The following TLL1 variants were observed in gnomAD, a reference collection of about 807,000 sequenced individuals.
TLL1 encodes tolloid-like protein 1.
Under a neutral mutation model 128.2 loss-of-function variants are expected in TLL1, and 49 were observed. That is an observed-to-expected ratio of 0.38 (90% confidence interval 0.30 to 0.48). TLL1 has a LOEUF of 0.48. Ranked by LOEUF, TLL1 falls within the 20% of genes least tolerant of loss-of-function variation. The pLI, the probability that TLL1 is intolerant of heterozygous loss-of-function variation, is 0.96. For synonymous variants in TLL1, 454 were observed against 418.8 expected, an observed-to-expected ratio of 1.08 and a Z score of -1.03; for missense variants, 1,123 against 1,242.0, an observed-to-expected ratio of 0.90 and a Z score of 1.44.
Position 166,060,181 on chromosome 4 carries a change from G to A in TLL1, c.2000G>A (p.Gly667Asp). The A allele has an allele frequency of 6.2e-7, 1 of 1,613,236 alleles. No individual in the cohort carries two copies. Among genetic ancestry groups the A allele is most frequent in the South Asian group, 1.1e-5 (1 of 91,062 alleles). The change falls in exon 15 of 21, where the codon GGC becomes GAC. Residue 667 changes from glycine (G) to aspartate (D), a missense_variant. Gly to Asp is a moderately conservative substitution (Grantham distance 94, BLOSUM62 -1). Around this residue, in one of 3 missense-constraint regions of TLL1, gnomAD observed 634 missense variants for 672.4 expected, o/e 0.94. Transcript: ENST00000061240. ...AAGTTTGAGTTTTTTGAATTGGAAG[G>A]CAATGAAGTAAGTGAACAATAACTG... ...SVKFEFFELE[G>D]NEVCKYDYVE... is the part of the protein sequence containing the mutation.
At chr4:166,071,082 C>G (rs1409183730) in intron 16 of TLL1, among the ~76,000 whole-genome samples, 1 of 151,886 alleles carries the variant, frequency 6.6e-6, no homozygotes, top group African/African-American at 2.4e-5. Flanking sequence ...GTGTGCTGTG[C>G]ATGTGTCCAT....
chr4:165,994,134 T>A (rs1168570837), intron 3 of TLL1, among the ~76,000 whole-genome samples: 1 of 152,270 alleles, frequency 6.6e-6, no homozygotes, highest in South Asian at 2.1e-4. Flanking sequence ...TAGGCTGTTG[T>A]ATGGATATCC....
At chr4:165,967,075 T>A (rs1735420410) in intron 1 of TLL1, among the ~76,000 whole-genome samples, 1 of 152,176 alleles carries the variant, frequency 6.6e-6, no homozygotes, top group African/African-American at 2.4e-5. Context: ...AATGCATTCT[T>A]TTTCTCAGGG....
At position 166,100,887 on chromosome 4, in the gene TLL1, T is replaced by A; in HGVS notation, c.*11T>A. 6.2e-7 allele frequency: 1 copy of A among 1,611,998 alleles called. No individual in the cohort carries two copies. On this transcript the variant is annotated 3_prime_UTR_variant, in exon 21 of 21. Coordinates refer to ENST00000061240, the MANE Select transcript of TLL1 (RefSeq NM_012464.5). ...CATACCAAAAAATAACACCAAAACCTCTGTCAGAACACAAAGGAATGTGCA... is the reference window on the plus strand; with the variant it reads ...CATACCAAAAAATAACACCAAAACCACTGTCAGAACACAAAGGAATGTGCA...
At chr4:166,067,488 A>C (rs1316140150) in intron 16 of TLL1, among the ~76,000 whole-genome samples, 1 of 151,720 alleles carries the variant, frequency 6.6e-6, no homozygotes, top group Non-Finnish European at 1.5e-5. Flanking sequence ...TCTCCACCAC[A>C]TGAGCATATA....
At chr4:165,984,304 G>A (rs1390162707) in intron 1 of TLL1, among the ~76,000 whole-genome samples, 3 of 151,750 alleles carry the variant, frequency 2.0e-5, no homozygotes, top group African/African-American at 7.3e-5. Context: ...TGTCATGTTG[G>A]GGGAGATTTA....
chr4:165,973,554 G>A (rs1579566784), intron 1 of TLL1, among the ~76,000 whole-genome samples: 1 of 151,902 alleles, frequency 6.6e-6, no homozygotes, highest in Admixed American at 6.5e-5. Context: ...CCTTTTATTG[G>A]TTTAGTGGCT....
intron 1 of TLL1, among the ~76,000 whole-genome samples, chr4:165,947,697 C>T (rs922219393): frequency 2.0e-5 from 3 of 152,080 alleles, no homozygotes; most frequent in Non-Finnish European, 2.9e-5. Context: ...ACTTACAGAA[C>T]CCCCTCATTC....
At chr4:165,909,519 GT>G (rs1337478664) in intron 1 of TLL1, among the ~76,000 whole-genome samples, 3 of 152,176 alleles carry the variant, frequency 2.0e-5, no homozygotes, top group Non-Finnish European at 4.4e-5. Flanking sequence ...ACATTTCAGC[GT>G]TTTGAGTTCT....
intron 14 of TLL1, among the ~76,000 whole-genome samples, chr4:166,058,153 ATC>A (rs2111115013): frequency 6.6e-6 from 1 of 151,736 alleles, no homozygotes; most frequent in African/African-American, 2.4e-5. Flanking sequence ...TCATTCATCC[ATC>A]TCTCATACCA....
intron 12 of TLL1, chr4:166,044,352 T>C (rs764163270): frequency 7.8e-6 from 12 of 1,535,464 alleles, no homozygotes; most frequent in Non-Finnish European, 9.6e-6. Flanking sequence ...TGGTTGTGTG[T>C]CTGTACCTGC....
At chr4:166,042,199 C>T (rs1049784072) in intron 11 of TLL1, 56 bp downstream of exon 11, 42 of 1,169,162 alleles carry the variant, frequency 3.6e-5, no homozygotes, top group Middle Eastern at 2.0e-4. Context: ...CAGAAATGTT[C>T]GTTTCTTAAT....
At chr4:165,977,942 AT>A (rs1485968005) in intron 1 of TLL1, among the ~76,000 whole-genome samples, 2 of 152,098 alleles carry the variant, frequency 1.3e-5, no homozygotes, top group African/African-American at 4.8e-5. Context: ...GCATCCTCTA[AT>A]TGTATTTTTA....
chr4:166,001,871 T>C (rs537043712), intron 5 of TLL1, among the ~76,000 whole-genome samples: 5 of 152,060 alleles, frequency 3.3e-5, no homozygotes, highest in Non-Finnish European at 7.4e-5. Context: ...AGAAAGACAT[T>C]CCTGCATGTT....
intron 1 of TLL1, among the ~76,000 whole-genome samples, chr4:165,889,651 T>A (rs73860874): frequency 0.012 from 1,802 of 152,340 alleles, 33 homozygotes; most frequent in African/African-American, 0.04. Context: ...AGGATTATGC[T>A]TTTCTTTGTC....
chr4:166,091,260 G>C lies in TLL1; in HGVS notation c.2575G>C (p.Ala859Pro). 6.2e-7 allele frequency: 1 copy of C among 1,613,138 alleles called. No individual in the cohort carries two copies. The highest frequency in any genetic ancestry group is 8.5e-7 in the Non-Finnish European group (1 of 1,179,458). Reference protein sequence around the residue: ...CGNKIPDPLVATGNKMFVRFV... With the variant: ...CGNKIPDPLVPTGNKMFVRFV... Reference sequence around the variant, plus strand: ...CAACAAGATACCAGATCCCCTTGTGGCTACTGGAAATAAAATGTTTGTTCG... The same window carrying C: ...CAACAAGATACCAGATCCCCTTGTGCCTACTGGAAATAAAATGTTTGTTCG... The change falls in exon 19 of 21, where the codon GCT becomes CCT. Residue 859 changes from alanine to proline, a missense_variant. Ala to Pro is a conservative substitution (Grantham distance 27). This residue lies in a region of TLL1 where 634 missense variants were observed against 672.4 expected (regional missense o/e 0.94). Transcript: ENST00000061240.
At chr4:165,950,079 A>C (rs1488863012) in intron 1 of TLL1, among the ~76,000 whole-genome samples, 3 of 152,130 alleles carry the variant, frequency 2.0e-5, no homozygotes, top group African/African-American at 7.2e-5. Context: ...GGATGGAAAA[A>C]ATATACCACA....
In TLL1 at chr4:166,100,769, G is replaced by A. The variant is rs1305650777; in HGVS notation, c.2935G>A (p.Asp979Asn). The change falls in exon 21 of 21, where the codon GAT (aspartate) becomes AAT (asparagine). Residue 979 changes from aspartate to asparagine, a missense_variant. Asp to Asn is a conservative substitution (Grantham distance 23). Transcript: ENST00000061240. ...GPPEEIYSIG[D>N]SVLIHFHTDD... is the part of the protein sequence containing the mutation. Reference sequence around the variant, plus strand: ...ACCAGAAGAGATTTATTCAATTGGAGATTCAGTTTTAATTCATTTCCACAC... The same window carrying A: ...ACCAGAAGAGATTTATTCAATTGGAAATTCAGTTTTAATTCATTTCCACAC... 15 of 1,613,064 alleles carry A rather than the reference G, an allele frequency of 9.3e-6. No homozygotes were observed. In the South Asian group the frequency reaches 1.6e-4, roughly 18 times the overall value.
intron 1 of TLL1, 55 bp downstream of exon 1, chr4:165,874,128 T>G: frequency 6.2e-7 from 1 of 1,606,658 alleles, no homozygotes; most frequent in Non-Finnish European, 8.5e-7. Context: ...TGCGCTGGGT[T>G]TCCCATGGGT....
Sources: allele counts gnomAD v4.1 joint callset (sites outside exome capture counted in the v4.1 genomes callset), GRCh38; gene constraint gnomAD v4.1.1; regional missense constraint gnomAD v4.1.1; transcripts MANE v1.5; gene names NCBI Gene and HGNC (gene_info 2026-07-23, HGNC 2026-07-21).